The following KLF4 variants were observed in gnomAD, a reference collection of about 807,000 sequenced individuals.
The protein encoded by KLF4 is Krueppel-like factor 4.
A neutral mutation model predicts 38.0 loss-of-function variants in KLF4; 14 were observed. That is an observed-to-expected ratio of 0.37 (90% CI 0.24 to 0.58). The LOEUF (loss-of-function observed/expected upper bound fraction) is 0.58. KLF4 is among the 20% of genes least tolerant of loss of function. The pLI is 0.76. For missense variants in KLF4, 737 were observed against 670.1 expected, an observed-to-expected ratio of 1.10 and a Z score of -1.10; for synonymous variants, 398 against 302.5, an observed-to-expected ratio of 1.32 and a Z score of -3.28.
rs1829138029 is a variant in KLF4 at position 107,488,832 on chromosome 9, C to CTCGT, written c.126+94_126+97dup. 2 of 1,465,864 alleles carry CTCGT rather than the reference C, an allele frequency of 1.4e-6. No individual in the cohort carries two copies. Among genetic ancestry groups the CTCGT allele is most frequent in the East Asian group, 2.5e-5 (1 of 39,936 alleles). 90.8% of individuals were successfully genotyped at this position (1,465,864 alleles called of 1,614,324 possible). A position where few individuals can be genotyped will look rare whatever the true frequency, so the allele number is the denominator to read the frequency against. ...GTCCGCGCGGTGGCCGCTCCTTACC[C>CTCGT]TCGTTCAGTGGCTCTTGGTGACCCC... On this transcript the variant is annotated intron_variant, in intron 2 of 4. Transcript: ENST00000374672. The surrounding 1 kb of genome is among the most constrained non-coding windows in gnomAD (Gnocchi z 5.7).
Position 107,487,397 on chromosome 9 carries a change from C to T in KLF4, c.997G>A (p.Ala333Thr), listed in dbSNP as rs1370270696. 2.6e-6 allele frequency: 4 copies of T among 1,526,606 alleles called. No individual in the cohort carries two copies. Among genetic ancestry groups the T allele is most frequent in the Non-Finnish European group, 2.6e-6 (3 of 1,138,156 alleles). The allele number at this position is 1,526,606 out of a possible 1,614,324, so 94.6% of individuals were successfully genotyped here. ...TGGAAGCCGGGAGGAAGCGGCAGGG[C>T]AGGGTGACAGTCCCTGCTGCTCAGC... ...EVLSSRDCHPALPLPPGFHPH... is the reference protein window; with the variant it reads ...EVLSSRDCHPTLPLPPGFHPH... Residue 333 changes from alanine to threonine, a missense_variant, in exon 3 of 5, where the codon GCC (alanine) becomes ACC (threonine). Ala to Thr is a moderately conservative substitution (Grantham distance 58). Coordinates refer to ENST00000374672, the MANE Select transcript of KLF4 (RefSeq NM_004235.6). The surrounding 1 kb of genome is among the most constrained non-coding windows in gnomAD (Gnocchi z 6.1).
chr9:107,487,910 C>T lies in KLF4; in HGVS notation c.484G>A (p.Val162Met). Reference protein sequence around the residue: ...YPIRAGNDPGVAPGGTGGGLL... With the variant: ...YPIRAGNDPGMAPGGTGGGLL... ...CCTCCGCCCGTGCCGCCCGGCGCCA[C>T]GCCCGGGTCGTTCCCGGCCCGGATC... Residue 162 changes from valine to methionine, a missense_variant, in exon 3 of 5, where the codon GTG (valine) becomes ATG (methionine). By Grantham distance (21) the Val-to-Met change is conservative (BLOSUM62 1). This residue lies in a region of KLF4 where 695 missense variants were observed against 554.5 expected (regional missense o/e 1.25). Transcript: ENST00000374672. This position sits in a 1 kb window ranked among gnomAD's most constrained non-coding sequence, Gnocchi z 6.1. The T allele has an allele frequency of 6.4e-7, 1 of 1,569,802 alleles. No individual in the cohort carries two copies.
Position 107,487,172 on chromosome 9 carries a change from A to T in KLF4, c.1120T>A (p.Cys374Ser). The change falls in exon 4 of 5, where the codon TGC (cysteine) becomes AGC (serine). Residue 374 changes from cysteine to serine, a missense_variant. Cys to Ser is a moderately radical substitution (Grantham distance 112, BLOSUM62 -1). This residue lies in a region of KLF4 where 695 missense variants were observed against 554.5 expected (regional missense o/e 1.25). Coordinates refer to ENST00000374672, the MANE Select transcript of KLF4 (RefSeq NM_004235.6). The surrounding 1 kb of genome is among the most constrained non-coding windows in gnomAD (Gnocchi z 6.1). ...TTTGGCTTGGGCTCCTCTGGCATGCAGGAACCGGGTGGCATGAGCTCTAGG... is the reference window on the plus strand; with the variant it reads ...TTTGGCTTGGGCTCCTCTGGCATGCTGGAACCGGGTGGCATGAGCTCTAGG... ...HYQELMPPGS[C>S]MPEEPKPKRG... 4 of 1,614,178 alleles carry T rather than the reference A, an allele frequency of 2.5e-6. No individual in the cohort carries two copies. Among genetic ancestry groups the T allele is most frequent in the Non-Finnish European group, 3.4e-6 (4 of 1,180,030 alleles).
In KLF4 at chr9:107,487,476, G is replaced by A. The variant is rs1274926355; in HGVS notation, c.918C>T (p.Pro306=). ...NGHRPAAHDF[P]LGRQLPSRTT... ...TCCTGCTGGGGAGCTGCCGCCCCAG[G>A]GGGAAGTCGTGTGCAGCCGGCCGGT... The change falls in exon 3 of 5, where the codon CCC becomes CCT. Residue 306 remains proline, a synonymous_variant. Transcript: ENST00000374672. This position sits in a 1 kb window ranked among gnomAD's most constrained non-coding sequence, Gnocchi z 6.1. 2 of 1,540,722 alleles carry A rather than the reference G, an allele frequency of 1.3e-6. No homozygotes were observed. The highest frequency in any genetic ancestry group is 2.3e-5 in the East Asian group (1 of 44,020).
Position 107,487,576 on chromosome 9 carries a change from G to A in KLF4, c.818C>T (p.Thr273Met), listed in dbSNP as rs1829093477. Residue 273 changes from threonine to methionine, a missense_variant, in exon 3 of 5, where the codon ACG becomes ATG. Physicochemically the swap from Thr to Met is moderately conservative, Grantham distance 81 (BLOSUM62 -1). Coordinates refer to ENST00000374672, the MANE Select transcript of KLF4 (RefSeq NM_004235.6). This position sits in a 1 kb window ranked among gnomAD's most constrained non-coding sequence, Gnocchi z 6.1. ...VAPYNGGPPR[T>M]CPKIKQEAVS... Reference sequence around the variant, plus strand: ...CGCCTCCTGCTTGATCTTGGGGCACGTGCGCGGCGGCCCGCCGTTGTAGGG... The same window carrying A: ...CGCCTCCTGCTTGATCTTGGGGCACATGCGCGGCGGCCCGCCGTTGTAGGG... 1.3e-6 allele frequency: 2 copies of A among 1,579,694 alleles called. No homozygotes were observed. Among genetic ancestry groups the A allele is most frequent in the South Asian group, 1.1e-5 (1 of 87,400 alleles).
Position 107,487,807 on chromosome 9 carries a change from G to A in KLF4, c.587C>T (p.Ser196Leu), listed in dbSNP as rs1237765057. The A allele has an allele frequency of 4.6e-6, 7 of 1,535,224 alleles. No individual in the cohort carries two copies. The East Asian group carries it at 7.3e-5, about 16-fold the overall frequency. Reference sequence around the variant, plus strand: ...CAGGAGCTCGGCCACGAAGCCGCCCGAGGGGCTCACGTCGTTGATGTCCGC... The same window carrying A: ...CAGGAGCTCGGCCACGAAGCCGCCCAAGGGGCTCACGTCGTTGATGTCCGC... Reference protein sequence around the residue: ...NLADINDVSPSGGFVAELLRP... With the variant: ...NLADINDVSPLGGFVAELLRP... The change falls in exon 3 of 5, where the codon TCG becomes TTG. Residue 196 changes from serine to leucine, a missense_variant. Around this residue, in one of 2 missense-constraint regions of KLF4, gnomAD observed 695 missense variants for 554.5 expected, o/e 1.25. Transcript: ENST00000374672. This position sits in a 1 kb window ranked among gnomAD's most constrained non-coding sequence, Gnocchi z 6.1.
chr9:107,486,997 C>A (rs369005434), intron 4 of KLF4, 31 bp downstream of exon 4: 3 of 1,613,914 alleles, frequency 1.9e-6, no homozygotes, highest in South Asian at 2.2e-5. Context: ...TGGAAGCTAA[C>A]CCCCCTCCCT....
Position 107,487,797 on chromosome 9 carries a change from G to A in KLF4, c.597C>T (p.Phe199=), listed in dbSNP as rs1829102681. ...DINDVSPSGG[F]VAELLRPELD... ...ATTCTGGCCGCAGGAGCTCGGCCAC[G>A]AAGCCGCCCGAGGGGCTCACGTCGT... is the stretch of plus-strand genomic sequence containing the variant. Residue 199 remains phenylalanine (F), a synonymous_variant, in exon 3 of 5, where the codon TTC becomes TTT. Transcript: ENST00000374672. This position sits in a 1 kb window ranked among gnomAD's most constrained non-coding sequence, Gnocchi z 6.1. 3.3e-6 allele frequency: 5 copies of A among 1,538,120 alleles called. No individual in the cohort carries two copies. Among genetic ancestry groups the A allele is most frequent in the Non-Finnish European group, 3.5e-6 (4 of 1,139,994 alleles).
rs1277713044 is a variant in KLF4 at position 107,488,065 on chromosome 9, G to C, written c.329C>G (p.Ser110Cys). The change falls in exon 3 of 5, where the codon TCC becomes TGC. Residue 110 changes from serine (S) to cysteine (C), a missense_variant. By Grantham distance (112) the Ser-to-Cys change is moderately radical (BLOSUM62 -1). Transcript: ENST00000374672. The surrounding 1 kb of genome is among the most constrained non-coding windows in gnomAD (Gnocchi z 5.7). ...CTCCGGAGGATGGGTCAGCGAATTG[G>C]AGAGAATAAAGTCCAGGTCCAGGAG... The part of the protein sequence containing the change: ...NDLLDLDFIL[S>C]NSLTHPPESV... 2 of 1,613,104 alleles carry C rather than the reference G, an allele frequency of 1.2e-6. No individual in the cohort carries two copies. Among genetic ancestry groups the C allele is most frequent in the Non-Finnish European group, 1.7e-6 (2 of 1,179,868 alleles).
At chr9:107,486,277 T>C (rs1225447651) in intron 4 of KLF4, among the ~76,000 whole-genome samples, 11 of 152,260 alleles carry the variant, frequency 7.2e-5, no homozygotes, top group Non-Finnish European at 1.5e-4. Flanking sequence ...TTGTGATTGG[T>C]AGTGTGCCCA....
Position 107,487,906 on chromosome 9 carries a change from G to C in KLF4, c.488C>G (p.Ala163Gly). The change falls in exon 3 of 5, where the codon GCG becomes GGG. Residue 163 changes from alanine to glycine, a missense_variant. Transcript: ENST00000374672. The surrounding 1 kb of genome is among the most constrained non-coding windows in gnomAD (Gnocchi z 6.1). ...GAGGCCTCCGCCCGTGCCGCCCGGC[G>C]CCACGCCCGGGTCGTTCCCGGCCCG... ...PIRAGNDPGVAPGGTGGGLLY... is the reference protein window; with the variant it reads ...PIRAGNDPGVGPGGTGGGLLY... 1 of 1,565,428 alleles carries C rather than the reference G, an allele frequency of 6.4e-7. No individual in the cohort carries two copies. The highest frequency in any genetic ancestry group is 8.7e-7 in the Non-Finnish European group (1 of 1,155,812).
At position 107,488,050 on chromosome 9, in the gene KLF4, T is replaced by C; in HGVS notation, c.344A>G (p.His115Arg). ...GGTGGCGGCCACTGACTCCGGAGGA[T>C]GGGTCAGCGAATTGGAGAGAATAAA... ...LDFILSNSLT[H>R]PPESVAATVS... is the part of the protein sequence containing the mutation. The change falls in exon 3 of 5, where the codon CAT becomes CGT. Residue 115 changes from histidine (H) to arginine (R), a missense_variant. Transcript: ENST00000374672. This position sits in a 1 kb window ranked among gnomAD's most constrained non-coding sequence, Gnocchi z 5.7. The C allele has an allele frequency of 4.3e-6, 7 of 1,612,386 alleles. No homozygotes were observed. Among genetic ancestry groups the C allele is most frequent in the Non-Finnish European group, 5.1e-6 (6 of 1,179,612 alleles).
chr9:107,487,818 G>A lies in KLF4; in HGVS notation c.576C>T (p.Asp192=), dbSNP rs906779235. 6.5e-7 allele frequency: 1 copy of A among 1,529,986 alleles called. No homozygotes were observed. Among genetic ancestry groups the A allele is most frequent in the African/African-American group, 1.4e-5 (1 of 72,854 alleles). 94.8% of individuals were successfully genotyped at this position (1,529,986 alleles called of 1,614,324 possible). A position where few individuals can be genotyped will look rare whatever the true frequency, so the allele number is the denominator to read the frequency against. ...CCACGAAGCCGCCCGAGGGGCTCAC[G>A]TCGTTGATGTCCGCCAGGTTGAAGG... ...TAPFNLADIN[D]VSPSGGFVAE... Residue 192 remains aspartate (D), a synonymous_variant, in exon 3 of 5, where the codon GAC becomes GAT. Coordinates refer to ENST00000374672, the MANE Select transcript of KLF4 (RefSeq NM_004235.6). This position sits in a 1 kb window ranked among gnomAD's most constrained non-coding sequence, Gnocchi z 6.1.
chr9:107,486,743 C>CT (rs1310798214), intron 4 of KLF4, among the ~76,000 whole-genome samples: 1 of 152,058 alleles, frequency 6.6e-6, no homozygotes, highest in East Asian at 1.9e-4. Context: ...AATCTCCTGC[C>CT]TTTTAAAAGC....
At position 107,487,815 on chromosome 9, in the gene KLF4, C is replaced by G. The variant is rs575829779; in HGVS notation, c.579G>C (p.Val193=). 4.6e-5 allele frequency: 71 copies of G among 1,531,342 alleles called. 1 individual carries two copies. The African/African-American group carries it at 9.2e-4, about 20-fold the overall frequency. The allele number at this position is 1,531,342 out of a possible 1,614,324, so 94.9% of individuals were successfully genotyped here. A position where few individuals can be genotyped will look rare whatever the true frequency, so the allele number is the denominator to read the frequency against. Residue 193 remains valine, a synonymous_variant, in exon 3 of 5, where the codon GTG becomes GTC. Coordinates refer to ENST00000374672, the MANE Select transcript of KLF4 (RefSeq NM_004235.6). This position sits in a 1 kb window ranked among gnomAD's most constrained non-coding sequence, Gnocchi z 6.1. ...APFNLADIND[V]SPSGGFVAEL... is the part of the protein sequence containing the mutation. ...CGGCCACGAAGCCGCCCGAGGGGCT[C>G]ACGTCGTTGATGTCCGCCAGGTTGA...
At position 107,487,984 on chromosome 9, in the gene KLF4, G is replaced by A; in HGVS notation, c.410C>T (p.Ser137Leu). The change falls in exon 3 of 5, where the codon TCG becomes TTG. Residue 137 changes from serine (S) to leucine (L), a missense_variant. Coordinates refer to ENST00000374672, the MANE Select transcript of KLF4 (RefSeq NM_004235.6). The surrounding 1 kb of genome is among the most constrained non-coding windows in gnomAD (Gnocchi z 6.1). ...SASASSSSSP[S>L]SSGPASAPST... ...GGGCGCGCTGGCAGGGCCGCTGCTC[G>A]ACGGCGACGACGAAGAGGAGGCTGA... The A allele has an allele frequency of 6.3e-7, 1 of 1,592,308 alleles. No homozygotes were observed.
At chr9:107,486,898 A>T in intron 4 of KLF4, 130 bp downstream of exon 4, 1 of 1,555,588 alleles carries the variant, frequency 6.4e-7, no homozygotes, top group South Asian at 1.2e-5. Context: ...GGAGGCACTG[A>T]GGAGTGTCCA....
chr9:107,487,772 A>G lies in KLF4; in HGVS notation c.622T>C (p.Leu208=). ...GFVAELLRPE[L]DPVYIPPQQP... ...TGCGGCGGAATGTACACCGGGTCCAATTCTGGCCGCAGGAGCTCGGCCACG... is the reference window on the plus strand; with the variant it reads ...TGCGGCGGAATGTACACCGGGTCCAGTTCTGGCCGCAGGAGCTCGGCCACG... The change falls in exon 3 of 5, where the codon TTG becomes CTG. Residue 208 remains leucine (L), a synonymous_variant. Coordinates refer to ENST00000374672, the MANE Select transcript of KLF4 (RefSeq NM_004235.6). The surrounding 1 kb of genome is among the most constrained non-coding windows in gnomAD (Gnocchi z 6.1). 1 of 1,553,798 alleles carries G rather than the reference A, an allele frequency of 6.4e-7. No homozygotes were observed. The highest frequency in any genetic ancestry group is 1.2e-5 in the South Asian group (1 of 85,302).
rs745583135 is a variant in KLF4 at position 107,487,265 on chromosome 9, C to T, written c.1099+30G>A. ...TGGGGCCAGCACACACAGGGCTCCCCAGCCCGAGCTACAAATCCCCGGGAC... is the reference window on the plus strand; with the variant it reads ...TGGGGCCAGCACACACAGGGCTCCCTAGCCCGAGCTACAAATCCCCGGGAC... On this transcript the variant is annotated intron_variant, in intron 3 of 4. Transcript: ENST00000374672. This position sits in a 1 kb window ranked among gnomAD's most constrained non-coding sequence, Gnocchi z 6.1. The T allele has an allele frequency of 6.3e-7, 1 of 1,597,288 alleles. No individual in the cohort carries two copies. The highest frequency in any genetic ancestry group is 1.1e-5 in the South Asian group (1 of 88,136).
Sources: allele counts gnomAD v4.1 joint callset (sites outside exome capture counted in the v4.1 genomes callset), GRCh38; gene constraint gnomAD v4.1.1; regional missense constraint gnomAD v4.1.1; non-coding constraint Gnocchi (gnomAD v3.1); transcripts MANE v1.5; gene names NCBI Gene and HGNC (gene_info 2026-07-23, HGNC 2026-07-21).